The following TMEM232 variants were observed in gnomAD, a reference collection of about 807,000 sequenced individuals.
The protein encoded by TMEM232 is transmembrane protein 232.
Under a neutral mutation model 78.8 loss-of-function variants are expected in TMEM232, and 80 were observed. The observed-to-expected ratio is 1.01, with a 90% confidence interval of 0.85 to 1.22. TMEM232 has a LOEUF of 1.22. TMEM232 is among the 50% of genes most tolerant of loss of function. The pLI is 0.00. For missense variants in TMEM232, 881 were observed against 742.2 expected (o/e 1.19, Z -2.17); for synonymous variants, 297 against 254.3 (o/e 1.17, Z -1.60).
At chr5:110,432,060 A>C (rs1459785304) in intron 12 of TMEM232, among the ~76,000 whole-genome samples, 8 of 151,762 alleles carry the variant, frequency 5.3e-5, no homozygotes, top group Admixed American at 4.6e-4. Context: ...GCAACCACAT[A>C]GAATAGTTTG....
intron 2 of TMEM232, among the ~76,000 whole-genome samples, chr5:110,407,300 C>T (rs973835350): frequency 1.3e-5 from 2 of 151,862 alleles, no homozygotes; most frequent in African/African-American, 4.8e-5. Flanking sequence ...CCTCAAGAAA[C>T]CCACATATGT....
chr5:110,684,661 TTAGCAAAGC>T lies in TMEM232; in HGVS notation c.-12-17306_-12-17298del, dbSNP rs1396695079. On this transcript the variant is annotated intron_variant, in intron 1 of 13. Transcript: ENST00000455884. ...GTATGCAACAACAAACAACAAAAATTTAGCAAAGCTATAGAAGCAATATAATTACTATGC... is the reference window on the plus strand; with the variant it reads ...GTATGCAACAACAAACAACAAAAATTTATAGAAGCAATATAATTACTATGC... The T allele has an allele frequency of 2.0e-5, 3 of 152,092 alleles. No homozygotes were observed. The East Asian group carries it at 5.8e-4, about 29-fold the overall frequency. The allele number at this position is 152,092 out of a possible 1,614,324, so 9.4% of individuals were successfully genotyped here.
At chr5:110,503,968 T>G (rs1766569852) in intron 12 of TMEM232, among the ~76,000 whole-genome samples, 1 of 152,210 alleles carries the variant, frequency 6.6e-6, no homozygotes, top group East Asian at 1.9e-4. Flanking sequence ...CTCTTTTTTC[T>G]TTCTTCCCTT....
upstream of TMEM232, among the ~76,000 whole-genome samples, chr5:110,728,795 T>C (rs956046444): frequency 6.7e-6 from 1 of 150,326 alleles, no homozygotes; most frequent in Non-Finnish European, 1.5e-5. Flanking sequence ...CCCCTTAGTA[T>C]GGCACAATTA....
intron 4 of TMEM232, among the ~76,000 whole-genome samples, chr5:110,389,737 A>G (rs150532728): frequency 1.3e-5 from 2 of 152,348 alleles, no homozygotes; most frequent in East Asian, 1.9e-4. Context: ...AATATCAGAC[A>G]GGTATGAAGA....
Position 110,568,620 on chromosome 5 carries a change from G to A in TMEM232, c.1282C>T (p.Gln428Ter). The A allele has an allele frequency of 6.5e-7, 1 of 1,528,584 alleles. No homozygotes were observed. The highest frequency in any genetic ancestry group is 8.8e-7 in the Non-Finnish European group (1 of 1,140,492). The allele number at this position is 1,528,584 out of a possible 1,614,324, so 94.7% of individuals were successfully genotyped here. A position where few individuals can be genotyped will look rare whatever the true frequency, so the allele number is the denominator to read the frequency against. Residue 428 changes from glutamine to a stop codon, truncating the protein, a stop_gained, in exon 11 of 14, where the codon CAA (glutamine) becomes TAA (stop). Transcript: ENST00000455884. LOFTEE classifies it high-confidence loss of function. ...FSSKMSENCD[Q>*]VVWTGYYGLV... ...CCATAGTAACCAGTCCAGACTACTTGATCACCTGTTTAAAAAGAAAAAGTC... is the reference window on the plus strand; with the variant it reads ...CCATAGTAACCAGTCCAGACTACTTAATCACCTGTTTAAAAAGAAAAAGTC...
chr5:110,713,267 G>A (rs1003690287), intron 1 of TMEM232, among the ~76,000 whole-genome samples: 1 of 152,124 alleles, frequency 6.6e-6, no homozygotes, highest in African/African-American at 2.4e-5. Context: ...TAAGTGGTGG[G>A]ACAGAAGTGA....
chr5:110,495,558 GA>G (rs1765554370), intron 12 of TMEM232, among the ~76,000 whole-genome samples: 1 of 151,804 alleles, frequency 6.6e-6, no homozygotes, highest in Non-Finnish European at 1.5e-5. Flanking sequence ...TGTACTATGG[GA>G]ATGTTGAAAT....
intron 1 of TMEM232, among the ~76,000 whole-genome samples, chr5:110,693,943 A>T (rs1190504376): frequency 6.6e-6 from 1 of 152,152 alleles, no homozygotes. Flanking sequence ...AAATTCAGGA[A>T]ATACAGAGAA....
At chr5:110,483,589 C>A (rs564935844) in intron 12 of TMEM232, among the ~76,000 whole-genome samples, 3 of 150,564 alleles carry the variant, frequency 2.0e-5, no homozygotes, top group African/African-American at 7.3e-5. Context: ...TCACACACCG[C>A]GGCCTGTTGT....
At chr5:110,613,100 A>G (rs998750068) in intron 8 of TMEM232, among the ~76,000 whole-genome samples, 2 of 152,000 alleles carry the variant, frequency 1.3e-5, no homozygotes, top group African/African-American at 4.8e-5. Flanking sequence ...TTTATAATTT[A>G]TTGTCTTCAG....
chr5:110,725,152 T>C (rs945742614), intron 1 of TMEM232, among the ~76,000 whole-genome samples: 1 of 152,236 alleles, frequency 6.6e-6, no homozygotes, highest in Non-Finnish European at 1.5e-5. Flanking sequence ...TTCTGTAAAA[T>C]ACTGCTTCTT....
chr5:110,402,290 A>G (rs965360898), intron 2 of TMEM232, among the ~76,000 whole-genome samples: 4 of 152,084 alleles, frequency 2.6e-5, no homozygotes, highest in Non-Finnish European at 5.9e-5. Context: ...GTTGCTTAAG[A>G]TTGTTTCCTG....
In TMEM232 at chr5:110,683,960, G is replaced by A. The variant is rs1793076222; in HGVS notation, c.-12-16596C>T. On this transcript the variant is annotated intron_variant, in intron 1 of 13. Transcript: ENST00000455884. ...TGATGTACTTAAAGCAAAATAGTAG[G>A]AAATATTTTGATATATGCCAAAGAA... 2.0e-5 allele frequency among the ~76,000 whole-genome samples: 3 copies of A among 151,960 alleles called. No homozygotes were observed. The South Asian group carries it at 6.2e-4, about 32-fold the overall frequency.
chr5:110,634,090 A>T (rs1047944837), intron 5 of TMEM232, among the ~76,000 whole-genome samples: 31 of 152,076 alleles, frequency 2.0e-4, no homozygotes, highest in African/African-American at 7.0e-4. Flanking sequence ...AAAAGGTTTT[A>T]AAAAAAGGCA....
exon 5 of TMEM232, chr5:110,387,885 A>G (rs1488884721): frequency 2.0e-5 from 3 of 152,108 alleles, no homozygotes; most frequent in Admixed American, 6.6e-5. Context: ...ATGTTTGGCT[A>G]TCCATCACCA....
upstream of TMEM232, among the ~76,000 whole-genome samples, chr5:110,727,995 G>T (rs1798322683): frequency 6.6e-6 from 1 of 151,984 alleles, no homozygotes; most frequent in African/African-American, 2.4e-5. Flanking sequence ...AAGAGATCTA[G>T]AAAAGTGTTA....
chr5:110,531,966 A>G (rs937261211), intron 11 of TMEM232, among the ~76,000 whole-genome samples: 6 of 152,270 alleles, frequency 3.9e-5, no homozygotes, highest in Non-Finnish European at 8.8e-5. Flanking sequence ...TTGCCTTCAA[A>G]GTGTACAATC....
intron 12 of TMEM232, among the ~76,000 whole-genome samples, chr5:110,480,302 A>G (rs1299676789): frequency 6.6e-6 from 1 of 151,984 alleles, no homozygotes; most frequent in Non-Finnish European, 1.5e-5. Context: ...TTACTAAAAT[A>G]GTTAAATGGT....
Sources: gnomAD v4.1 joint callset for allele counts (sites outside exome capture counted in the v4.1 genomes callset) on GRCh38, gnomAD v4.1.1 for gene constraint, MANE v1.5 for transcripts, NCBI Gene and HGNC (gene_info 2026-07-23, HGNC 2026-07-21) for gene names.